The following TGM6 variants were observed in gnomAD, a reference collection of about 807,000 sequenced individuals.
TGM6 encodes protein-glutamine gamma-glutamyltransferase 6.
Under a neutral mutation model 77.5 loss-of-function variants are expected in TGM6, and 74 were observed. That is an observed-to-expected ratio of 0.96 (90% CI 0.79 to 1.16). TGM6 has a LOEUF of 1.16. Ranked by LOEUF, TGM6 falls within the 50% of genes most tolerant of loss-of-function variation. TGM6 has a pLI of 0.00. For synonymous variants in TGM6, 383 were observed against 378.9 expected (o/e 1.01, Z -0.12); for missense variants, 968 against 940.2 (o/e 1.03, Z -0.39).
chr20:2,414,465 A>C (rs1029604053), intron 9 of TGM6, among the ~76,000 whole-genome samples: 2 of 152,196 alleles, frequency 1.3e-5, no homozygotes, highest in Non-Finnish European at 2.9e-5. Flanking sequence ...TGCTGGTGGA[A>C]ATTTACAATT....
In TGM6 at chr20:2,399,601, G is replaced by A; in HGVS notation, c.713G>A (p.Trp238Ter). 1 of 1,613,458 alleles carries A rather than the reference G, an allele frequency of 6.2e-7. No homozygotes were observed. Among genetic ancestry groups the A allele is most frequent in the Non-Finnish European group, 8.5e-7 (1 of 1,179,966 alleles). The change falls in exon 6 of 13, where the codon TGG (tryptophan) becomes TAG (stop). Residue 238 changes from tryptophan (W) to a stop codon, truncating the protein, a stop_gained. Transcript: ENST00000202625. LOFTEE classifies it high-confidence loss of function. ...NNDRGVVQGQ[W>*]QGKYGGGTSP... ...GACCGAGGTGTGGTGCAAGGACAGT[G>A]GCAGGGCAAGTACGGCGGCGGCACC...
At chr20:2,423,996 G>C (rs1415220496) in intron 10 of TGM6, among the ~76,000 whole-genome samples, 3 of 152,052 alleles carry the variant, frequency 2.0e-5, no homozygotes, top group Non-Finnish European at 4.4e-5. Flanking sequence ...TCAACAGTTG[G>C]CCTAAAATAT....
At chr20:2,418,572 T>C (rs1391440421) in intron 10 of TGM6, among the ~76,000 whole-genome samples, 1 of 152,190 alleles carries the variant, frequency 6.6e-6, no homozygotes, top group African/African-American at 2.4e-5. Flanking sequence ...GCCAGGAACG[T>C]TGACCACAGT....
intron 3 of TGM6, among the ~76,000 whole-genome samples, chr20:2,395,891 A>C (rs1472728691): frequency 6.6e-6 from 1 of 152,198 alleles, no homozygotes; most frequent in Non-Finnish European, 1.5e-5. Context: ...TTAATATTTA[A>C]GAAATATGGC....
chr20:2,392,244 A>C lies in TGM6; in HGVS notation c.8-2208A>C, dbSNP rs1240513703. Among the ~76,000 whole-genome samples, 3 of 152,186 alleles carry C rather than the reference A, an allele frequency of 2.0e-5. No individual in the cohort carries two copies. The East Asian group carries it at 5.8e-4, about 29-fold the overall frequency. On this transcript the variant is annotated intron_variant, in intron 1 of 12. Coordinates refer to ENST00000202625, the MANE Select transcript of TGM6 (RefSeq NM_198994.3). ...ACAATGCCCAGCACGTGAATGAATG[A>C]ACCCTGAATAGGGGAAGAGGATGCT...
In TGM6 at chr20:2,400,411, G is replaced by A. The variant is rs148376598; in HGVS notation, c.956G>A (p.Arg319Gln). 346 of 1,614,138 alleles carry A rather than the reference G, an allele frequency of 2.1e-4. 1 individual carries two copies. The African/African-American group carries it at 4.1e-3, about 19-fold the overall frequency. ...SVDKYVDSFG[R>Q]TLEDLTEDSM... ...GACAAATACGTGGACTCCTTCGGGC[G>A]GACCCTGGAGGACCTGACAGAAGAC... The change falls in exon 7 of 13, where the codon CGG (arginine) becomes CAG (glutamine). Residue 319 changes from arginine to glutamine, a missense_variant. Transcript: ENST00000202625.
intron 9 of TGM6, among the ~76,000 whole-genome samples, chr20:2,408,861 A>G (rs1044517977): frequency 6.6e-6 from 1 of 152,134 alleles, no homozygotes; most frequent in East Asian, 1.9e-4. Context: ...GTAAACAAAT[A>G]AGTAAAATAA....
At position 2,432,480 on chromosome 20, in the gene TGM6, C is replaced by CTT. The variant is rs2084929869; in HGVS notation, c.1968-9_1968-8dup. On this transcript the variant is annotated splice_polypyrimidine_tract_variant and intron_variant, in intron 12 of 12. Transcript: ENST00000202625. ...TGACAGTCTGCCTTTCTCCCCTCCC[C>CTT]TTCCTCCAGCGTGCCTACCCTGGAG... is the stretch of plus-strand genomic sequence containing the variant. 6.2e-7 allele frequency: 1 copy of CTT among 1,613,720 alleles called. No homozygotes were observed. The highest frequency in any genetic ancestry group is 1.1e-5 in the South Asian group (1 of 91,068).
At chr20:2,413,275 G>A (rs1347885565) in intron 9 of TGM6, among the ~76,000 whole-genome samples, 1 of 152,154 alleles carries the variant, frequency 6.6e-6, no homozygotes, top group Non-Finnish European at 1.5e-5. Context: ...AATTAGCTGA[G>A]TGTGGTGGCA....
intron 9 of TGM6, among the ~76,000 whole-genome samples, chr20:2,412,676 A>C (rs939125755): frequency 4.6e-5 from 7 of 152,192 alleles, no homozygotes; most frequent in Admixed American, 1.3e-4. Flanking sequence ...AAACAAGTTC[A>C]GCAAGTTTGC....
At chr20:2,385,358 G>A (rs1280128131) in intron 1 of TGM6, among the ~76,000 whole-genome samples, 2 of 152,140 alleles carry the variant, frequency 1.3e-5, no homozygotes, top group African/African-American at 2.4e-5. Context: ...CTCTCGGCTG[G>A]GGAGGGGGGA....
At chr20:2,403,338 G>T in intron 7 of TGM6, 59 bp from the exon 8 acceptor site, 2 of 1,589,748 alleles carry the variant, frequency 1.3e-6, no homozygotes, top group Non-Finnish European at 1.7e-6. Flanking sequence ...CTCTCAGTAG[G>T]ATCTTCCCTT....
chr20:2,402,174 G>A (rs1023495391), intron 7 of TGM6, among the ~76,000 whole-genome samples: 5 of 152,078 alleles, frequency 3.3e-5, no homozygotes, highest in African/African-American at 4.8e-5. Context: ...CCTGGGAAGC[G>A]GAGGTTGCAG....
rs757042943 is a variant in TGM6, at chr20:2,396,563, G to A, written c.482G>A (p.Ser161Asn). 5 of 1,614,234 alleles carry A rather than the reference G, an allele frequency of 3.1e-6. No individual in the cohort carries two copies. Among genetic ancestry groups the A allele is most frequent in the Non-Finnish European group, 4.2e-6 (5 of 1,180,044 alleles). Residue 161 changes from serine to asparagine, a missense_variant, in exon 4 of 13, where the codon AGC becomes AAC. Physicochemically the swap from Ser to Asn is conservative, Grantham distance 46 (BLOSUM62 1). Transcript: ENST00000202625. ...EERQEYVLSD[S>N]GIIFRGVEKH... ...AGACAGGAGTACGTGCTCAGCGACA[G>A]CGGCATCATCTTCCGAGGCGTGGAG...
chr20:2,386,444 A>G (rs548568469), intron 1 of TGM6, among the ~76,000 whole-genome samples: 4 of 152,226 alleles, frequency 2.6e-5, no homozygotes, highest in Admixed American at 1.3e-4. Flanking sequence ...GCAAAACCCC[A>G]TCAAGGAGCA....
intron 10 of TGM6, among the ~76,000 whole-genome samples, chr20:2,426,574 GA>G: frequency 6.6e-6 from 1 of 152,252 alleles, no homozygotes; most frequent in Non-Finnish European, 1.5e-5. Flanking sequence ...AGTAAGAGGG[GA>G]CATCCTTGCC....
chr20:2,429,466 G>GAAAA (rs59799305), intron 10 of TGM6, among the ~76,000 whole-genome samples: 2 of 132,800 alleles, frequency 1.5e-5, no homozygotes, highest in Admixed American at 7.6e-5. Flanking sequence ...ATAGTAGTCA[G>GAAAA]AAAAAAAAAA....
Position 2,432,563 on chromosome 20 carries a change from C to A in TGM6, c.2041C>A (p.Gln681Lys), listed in dbSNP as rs768447368. ...CACCCCCTCCAAAAGTGGCCCAAGG[C>A]AGCTGCAGGTGGACCTTGTAAGCCC... ...DITPSKSGPR[Q>K]LQVDLVSPHF... The change falls in exon 13 of 13, where the codon CAG becomes AAG. Residue 681 changes from glutamine (Q) to lysine (K), a missense_variant. Coordinates refer to ENST00000202625, the MANE Select transcript of TGM6 (RefSeq NM_198994.3). 9 of 1,614,012 alleles carry A rather than the reference C, an allele frequency of 5.6e-6. No homozygotes were observed. The highest frequency in any genetic ancestry group is 1.1e-5 in the South Asian group (1 of 91,082).
At chr20:2,388,112 G>A (rs2084608006) in intron 1 of TGM6, among the ~76,000 whole-genome samples, 1 of 152,120 alleles carries the variant, frequency 6.6e-6, no homozygotes, top group Non-Finnish European at 1.5e-5. Flanking sequence ...AGGTCCAGAG[G>A]GTGGGAATAT....
Sources: gnomAD v4.1 joint callset for allele counts (sites outside exome capture counted in the v4.1 genomes callset) on GRCh38, gnomAD v4.1.1 for gene constraint, MANE v1.5 for transcripts, NCBI Gene and HGNC (gene_info 2026-07-23, HGNC 2026-07-21) for gene names.